The following HPSE2 variants were observed in gnomAD, a reference collection of about 807,000 sequenced individuals.
HPSE2 encodes the protein inactive heparanase-2.
Under a neutral mutation model 60.5 loss-of-function variants are expected in HPSE2, and 38 were observed. That is an observed-to-expected ratio of 0.63 (90% CI 0.48 to 0.82). The LOEUF (loss-of-function observed/expected upper bound fraction) is 0.82. Among genes scored for constraint, HPSE2 ranks in the 40% least tolerant of loss-of-function variants. The pLI is 0.00. For synonymous variants in HPSE2, 295 were observed against 293.2 expected, an observed-to-expected ratio of 1.01 and a Z score of -0.06; for missense variants, 713 against 740.4, an observed-to-expected ratio of 0.96 and a Z score of 0.43.
intron 3 of HPSE2, chr10:99,013,383 CTG>C: frequency 3.5e-6 from 2 of 570,666 alleles, no homozygotes; most frequent in South Asian, 1.6e-5. Flanking sequence ...TATACAGACT[CTG>C]TGTTAGTATA....
chr10:99,153,084 A>C (rs2796750), intron 2 of HPSE2, among the ~76,000 whole-genome samples: 2 of 152,056 alleles, frequency 1.3e-5, no homozygotes, highest in African/African-American at 4.8e-5. Flanking sequence ...TATCCCGCAC[A>C]TGGCTCGGAG....
At chr10:98,671,151 A>C (rs1003012755) in intron 6 of HPSE2, among the ~76,000 whole-genome samples, 6 of 152,230 alleles carry the variant, frequency 3.9e-5, no homozygotes, top group Non-Finnish European at 1.5e-5. Flanking sequence ...AGAACTAACA[A>C]GATTTGCTAA....
chr10:98,711,687 A>G (rs1028414298), intron 5 of HPSE2, among the ~76,000 whole-genome samples: 1 of 152,154 alleles, frequency 6.6e-6, no homozygotes, highest in Non-Finnish European at 1.5e-5. Context: ...CACTCAATAA[A>G]TGTCAGTTTC....
At chr10:98,719,600 CTTA>C (rs1296273602) in intron 5 of HPSE2, among the ~76,000 whole-genome samples, 1 of 149,154 alleles carries the variant, frequency 6.7e-6, no homozygotes, top group Non-Finnish European at 1.5e-5. Context: ...GGTATCACTG[CTTA>C]TTAGCTGCAA....
At chr10:98,953,341 G>A (rs1955421615) in intron 3 of HPSE2, among the ~76,000 whole-genome samples, 1 of 152,088 alleles carries the variant, frequency 6.6e-6, no homozygotes, top group Non-Finnish European at 1.5e-5. Flanking sequence ...CACTGCACAT[G>A]TCTAATCCAG....
intron 3 of HPSE2, among the ~76,000 whole-genome samples, chr10:99,124,549 G>T (rs1293145074): frequency 6.6e-6 from 1 of 152,202 alleles, no homozygotes; most frequent in East Asian, 1.9e-4. Flanking sequence ...GTGTTTGTTG[G>T]CACCCAAAGT....
At chr10:98,761,770 T>C (rs1231603219) in intron 3 of HPSE2, among the ~76,000 whole-genome samples, 1 of 152,112 alleles carries the variant, frequency 6.6e-6, no homozygotes, top group Non-Finnish European at 1.5e-5. Context: ...ATCTGGACAA[T>C]GATCTGTAAT....
At chr10:98,683,820 G>T (rs1483312504) in intron 6 of HPSE2, among the ~76,000 whole-genome samples, 1 of 151,864 alleles carries the variant, frequency 6.6e-6, no homozygotes, top group African/African-American at 2.4e-5. Flanking sequence ...GATTGACAGG[G>T]TCTAACCACA....
At chr10:98,946,665 T>TA (rs1352029745) in intron 3 of HPSE2, among the ~76,000 whole-genome samples, 12 of 151,962 alleles carry the variant, frequency 7.9e-5, no homozygotes, top group African/African-American at 1.7e-4. Flanking sequence ...AAGACATTGT[T>TA]AAAAAAAGTA....
intron 3 of HPSE2, among the ~76,000 whole-genome samples, chr10:98,940,303 T>A (rs1335594227): frequency 7.0e-6 from 1 of 143,616 alleles, no homozygotes; most frequent in Admixed American, 6.9e-5. Context: ...AGCTGGTTTT[T>A]TGAAAGGATC....
chr10:98,588,342 A>T (rs1367566320), intron 9 of HPSE2, among the ~76,000 whole-genome samples: 1 of 152,174 alleles, frequency 6.6e-6, no homozygotes, highest in African/African-American at 2.4e-5. Flanking sequence ...TTTTCAGGCC[A>T]GGGAGAAGGA....
chr10:98,835,093 A>C (rs549995011), intron 3 of HPSE2, among the ~76,000 whole-genome samples: 2 of 152,118 alleles, frequency 1.3e-5, no homozygotes, highest in Admixed American at 6.5e-5. Flanking sequence ...AAAGAGGATT[A>C]TTTCTCAAAC....
the HPSE2 span, among the ~76,000 whole-genome samples, chr10:99,275,102 G>A: frequency 6.6e-6 from 1 of 152,224 alleles, no homozygotes; most frequent in East Asian, 1.9e-4. Flanking sequence ...GCAAGTGAGT[G>A]ACTCAAATTT....
intron 6 of HPSE2, among the ~76,000 whole-genome samples, chr10:98,690,569 A>ATAC (rs1180254571): frequency 6.6e-6 from 1 of 152,068 alleles, no homozygotes; most frequent in Non-Finnish European, 1.5e-5. Context: ...AATAATAATA[A>ATAC]CTGCAGTGAA....
chr10:98,731,467 C>T (rs995614599), intron 4 of HPSE2, among the ~76,000 whole-genome samples: 1 of 152,098 alleles, frequency 6.6e-6, no homozygotes, highest in Non-Finnish European at 1.5e-5. Flanking sequence ...AATATTAAAG[C>T]CTTTTAACTA....
At chr10:98,749,522 A>G (rs925238433) in intron 3 of HPSE2, among the ~76,000 whole-genome samples, 2 of 151,590 alleles carry the variant, frequency 1.3e-5, no homozygotes, top group African/African-American at 4.8e-5. Flanking sequence ...CATACATACA[A>G]GAAGATAGAT....
chr10:99,113,369 T>C (rs1305313559), intron 3 of HPSE2, among the ~76,000 whole-genome samples: 2 of 152,200 alleles, frequency 1.3e-5, no homozygotes, highest in Non-Finnish European at 2.9e-5. Flanking sequence ...TATGTTGCTT[T>C]TAGGAATAAA....
chr10:98,585,554 G>A (rs1298775674), intron 9 of HPSE2, among the ~76,000 whole-genome samples: 1 of 151,876 alleles, frequency 6.6e-6, no homozygotes, highest in African/African-American at 2.4e-5. Flanking sequence ...ACAGGCATGA[G>A]CCACCAAGCC....
intron 3 of HPSE2, among the ~76,000 whole-genome samples, chr10:98,755,632 C>CA (rs1198193611): frequency 1.3e-5 from 2 of 152,068 alleles, no homozygotes; most frequent in Non-Finnish European, 2.9e-5. Context: ...AAACAATTTT[C>CA]AAAAAAATTT....
Sources: allele counts gnomAD v4.1 joint callset (sites outside exome capture counted in the v4.1 genomes callset), GRCh38; gene constraint gnomAD v4.1.1; transcripts MANE v1.5; gene names NCBI Gene and HGNC (gene_info 2026-07-23, HGNC 2026-07-21).